Variants in BMPR1B observed in about 807,000 individuals in gnomAD.
The protein encoded by BMPR1B is bone morphogenetic protein receptor type-1B.
BMPR1B carries 12 observed loss-of-function variants against 59.1 expected under a neutral mutation model. That is an observed-to-expected ratio of 0.20 (90% confidence interval 0.13 to 0.33). The LOEUF is 0.33. Ranked by LOEUF, BMPR1B falls within the 10% of genes least tolerant of loss-of-function variation. The probability of loss-of-function intolerance (pLI) is 1.00; values close to 1 mark genes in which losing one functional copy is unlikely to be tolerated. For synonymous variants in BMPR1B, 237 were observed against 207.3 expected (o/e 1.14, Z -1.23); for missense variants, 550 against 610.9 (o/e 0.90, Z 1.05).
At chr4:95,067,610 TG>T (rs2149214927) in intron 3 of BMPR1B, among the ~76,000 whole-genome samples, 1 of 152,356 alleles carries the variant, frequency 6.6e-6, no homozygotes, top group African/African-American at 2.4e-5. Flanking sequence ...CATTTAGTCT[TG>T]TAAATAATAG....
At chr4:95,062,166 G>A (rs567133571) in intron 3 of BMPR1B, among the ~76,000 whole-genome samples, 2 of 151,972 alleles carry the variant, frequency 1.3e-5, no homozygotes, top group South Asian at 4.1e-4. Context: ...AGCAGTGTAA[G>A]AACAGACTAA....
intron 3 of BMPR1B, among the ~76,000 whole-genome samples, chr4:95,005,613 C>T (rs78637434): frequency 2.6e-4 from 40 of 152,226 alleles, no homozygotes; most frequent in Middle Eastern, 3.4e-3. Flanking sequence ...GTCTTCTTCC[C>T]GGCTCCTTCC....
At chr4:94,885,803 A>G (rs1005379700) in intron 2 of BMPR1B, among the ~76,000 whole-genome samples, 5 of 152,216 alleles carry the variant, frequency 3.3e-5, no homozygotes, top group Non-Finnish European at 7.3e-5. Context: ...AAATCTTCAG[A>G]AGAAGAAATA....
At chr4:95,081,000 A>G (rs953034628) in intron 3 of BMPR1B, among the ~76,000 whole-genome samples, 1 of 152,094 alleles carries the variant, frequency 6.6e-6, no homozygotes, top group Non-Finnish European at 1.5e-5. Flanking sequence ...ATCCCCACAT[A>G]TGTCATGAGA....
At chr4:94,859,651 T>C (rs1725901092) in intron 1 of BMPR1B, among the ~76,000 whole-genome samples, 1 of 152,118 alleles carries the variant, frequency 6.6e-6, no homozygotes, top group African/African-American at 2.4e-5. Context: ...GGCAGTTTTG[T>C]GGCCAGATCT....
At chr4:94,835,425 C>T (rs1356389757) in intron 1 of BMPR1B, among the ~76,000 whole-genome samples, 2 of 152,074 alleles carry the variant, frequency 1.3e-5, no homozygotes, top group African/African-American at 4.8e-5. Flanking sequence ...CAAAGTAGTT[C>T]TCTATATATG....
In BMPR1B at chr4:95,141,682, T is replaced by TA. The variant is rs1734240524; in HGVS notation, c.1077-7065dup. Among the ~76,000 whole-genome samples the TA allele has an allele frequency of 2.0e-5, 3 of 152,164 alleles. No homozygotes were observed. The South Asian group carries it at 6.2e-4, about 31-fold the overall frequency. ...ACACATGAAATGCCTTGAAGAAACTTACAAAGCTTTTCACTCTTCACTCTG... is the reference window on the plus strand; with the variant it reads ...ACACATGAAATGCCTTGAAGAAACTTAACAAAGCTTTTCACTCTTCACTCTG... On this transcript the variant is annotated intron_variant, in intron 10 of 12. Coordinates refer to ENST00000515059, the MANE Select transcript of BMPR1B (RefSeq NM_001203.3).
chr4:94,995,346 C>T (rs1178234489), intron 2 of BMPR1B, among the ~76,000 whole-genome samples: 1 of 150,932 alleles, frequency 6.6e-6, no homozygotes, highest in Non-Finnish European at 1.5e-5. Flanking sequence ...TTATACTTTC[C>T]TATACATTTC....
intron 1 of BMPR1B, among the ~76,000 whole-genome samples, chr4:94,764,721 A>T (rs1359700328): frequency 6.6e-6 from 1 of 152,122 alleles, no homozygotes; most frequent in African/African-American, 2.4e-5. Flanking sequence ...AAATACTGTC[A>T]ATCAGTTTAT....
chr4:94,966,739 G>A (rs570377521), intron 2 of BMPR1B, among the ~76,000 whole-genome samples: 1 of 152,218 alleles, frequency 6.6e-6, no homozygotes, highest in South Asian at 2.1e-4. Context: ...TTTCATGCCT[G>A]AAATTTTTTT....
At chr4:94,863,023 C>T (rs114508795) in intron 1 of BMPR1B, among the ~76,000 whole-genome samples, 2,612 of 145,434 alleles carry the variant, frequency 0.018, 67 homozygotes, top group African/African-American at 0.064. Flanking sequence ...GAGGCTGAGG[C>T]GGAAGAATCG....
At position 95,036,898 on chromosome 4, in the gene BMPR1B, C is replaced by A. The variant is rs531883419; in HGVS notation, c.-18+40764C>A. Reference sequence around the variant, plus strand: ...CGGCATTTGTTATTGCCTTAGACACCCCAGTTTTGCTGCCCACGTTGTCAA... The same window carrying A: ...CGGCATTTGTTATTGCCTTAGACACACCAGTTTTGCTGCCCACGTTGTCAA... On this transcript the variant is annotated intron_variant, in intron 3 of 12. Coordinates refer to ENST00000515059, the MANE Select transcript of BMPR1B (RefSeq NM_001203.3). Among the ~76,000 whole-genome samples, 5 of 151,892 alleles carry A rather than the reference C, an allele frequency of 3.3e-5. No individual in the cohort carries two copies. In the East Asian group the frequency reaches 9.7e-4, roughly 29 times the overall value.
chr4:94,808,232 G>T (rs1026137690), intron 1 of BMPR1B, among the ~76,000 whole-genome samples: 1 of 152,000 alleles, frequency 6.6e-6, no homozygotes, highest in Non-Finnish European at 1.5e-5. Flanking sequence ...CAAAATGTGG[G>T]ATTTATGGAA....
chr4:94,762,929 A>G (rs1389304998), intron 1 of BMPR1B, among the ~76,000 whole-genome samples: 1 of 151,670 alleles, frequency 6.6e-6, no homozygotes, highest in African/African-American at 2.4e-5. Flanking sequence ...CACTGGTTCA[A>G]TAGTTACTTT....
chr4:94,849,793 G>GGTGTGTGTGTGT (rs1553912364), intron 1 of BMPR1B, among the ~76,000 whole-genome samples: 5 of 26,932 alleles, frequency 1.9e-4, no homozygotes, highest in African/African-American at 1.7e-3. Flanking sequence ...GGGGTTTTTT[G>GGTGTGTGTGTGT]GTGTGTGTGT....
At chr4:95,152,963 A>G (rs930959972) in intron 12 of BMPR1B, among the ~76,000 whole-genome samples, 190 bp downstream of exon 12, 70 of 152,006 alleles carry the variant, frequency 4.6e-4, no homozygotes, top group African/African-American at 1.6e-3. Context: ...TTCCAATTTT[A>G]TTTTGCCACT....
intron 3 of BMPR1B, among the ~76,000 whole-genome samples, chr4:95,003,180 A>G (rs986143803): frequency 2.6e-5 from 4 of 152,118 alleles, no homozygotes; most frequent in African/African-American, 4.8e-5. Flanking sequence ...TCTTTTTAAA[A>G]CCTAGAAATG....
At chr4:95,134,712 G>C (rs890349690) in intron 10 of BMPR1B, among the ~76,000 whole-genome samples, 2 of 151,804 alleles carry the variant, frequency 1.3e-5, no homozygotes, top group African/African-American at 4.8e-5. Context: ...TTTTGATGGG[G>C]TTGTTTTTTT....
At chr4:94,801,453 A>G (rs1181983197) in intron 1 of BMPR1B, among the ~76,000 whole-genome samples, 3 of 152,202 alleles carry the variant, frequency 2.0e-5, no homozygotes, top group Non-Finnish European at 4.4e-5. Flanking sequence ...GTCACTGCAC[A>G]ATTAAGCCTG....
Sources: gnomAD v4.1 joint callset for allele counts (sites outside exome capture counted in the v4.1 genomes callset) on GRCh38, gnomAD v4.1.1 for gene constraint, MANE v1.5 for transcripts, NCBI Gene and HGNC (gene_info 2026-07-23, HGNC 2026-07-21) for gene names.